The following AARS1 variants were observed in gnomAD, a reference collection of about 807,000 sequenced individuals.
The protein encoded by AARS1 is alanine--tRNA ligase, cytoplasmic.
A neutral mutation model predicts 108.9 loss-of-function variants in AARS1; 72 were observed. The ratio of observed to expected loss-of-function variants is 0.66; its 90% CI spans 0.55 to 0.80. AARS1 has a LOEUF of 0.80. Ranked by LOEUF, AARS1 falls within the 30% of genes least tolerant of loss-of-function variation. The pLI is 0.00. For synonymous variants in AARS1, 489 were observed against 465.7 expected (o/e 1.05, Z -0.64); for missense variants, 1,193 against 1,233.2 (o/e 0.97, Z 0.49).
chr16:70,264,893 A>G lies in AARS1; in HGVS notation c.1492+65T>C, dbSNP rs766679843. ...GCTGGAGAGCTAATCTTGAGAAACA[A>G]TCTTTCAAATACCCCCCAGATACGG... On this transcript the variant is annotated intron_variant, in intron 11 of 20. Transcript: ENST00000261772. 3.6e-4 allele frequency: 575 copies of G among 1,604,380 alleles called. 2 individuals carry two copies. Among genetic ancestry groups the G allele is most frequent in the Non-Finnish European group, 4.6e-4 (544 of 1,172,264 alleles).
At chr16:70,269,832 T>A in intron 6 of AARS1, 69 bp from the exon 7 acceptor site, 1 of 1,596,630 alleles carries the variant, frequency 6.3e-7, no homozygotes. Context: ...CCCAAGGAGG[T>A]TCCTGGAGGA....
chr16:70,258,969 G>C lies in AARS1; in HGVS notation c.1992+11C>G. On this transcript the variant is annotated intron_variant, in intron 14 of 20. Coordinates refer to ENST00000261772, the MANE Select transcript of AARS1 (RefSeq NM_001605.3). The stretch of plus-strand genomic sequence containing the variant: ...TGGGGAGGGGGGGCATTCAGCCGTC[G>C]CCCATCCTACCTTGGCTGCCTCAAT... The C allele has an allele frequency of 6.2e-7, 1 of 1,613,682 alleles. No homozygotes were observed. The highest frequency in any genetic ancestry group is 8.5e-7 in the Non-Finnish European group (1 of 1,179,718).
At chr16:70,281,558 T>C (rs1477426081) in intron 2 of AARS1, among the ~76,000 whole-genome samples, 2 of 152,120 alleles carry the variant, frequency 1.3e-5, no homozygotes, top group Non-Finnish European at 2.9e-5. Flanking sequence ...TCCAGCTACT[T>C]CGGAGGCCAA....
chr16:70,261,121 C>A lies in AARS1; in HGVS notation c.1708G>T (p.Gly570Ter). 6.2e-7 allele frequency: 1 copy of A among 1,613,856 alleles called. No homozygotes were observed. Among genetic ancestry groups the A allele is most frequent in the South Asian group, 1.1e-5 (1 of 91,074 alleles). ...GTTCCAATGTGTAGCACATACCCTC[C>A]TCGGACCTGAGCATTCTTCACTGTA... ...EFTVKNAQVR[G>*]GYVLHIGTIY... Residue 570 changes from glycine to a stop codon, truncating the protein, a stop_gained, in exon 13 of 21, where the codon GGA becomes TGA. Coordinates refer to ENST00000261772, the MANE Select transcript of AARS1 (RefSeq NM_001605.3). LOFTEE classifies it high-confidence loss of function.
chr16:70,272,267 G>C (rs1014958715), intron 4 of AARS1, among the ~76,000 whole-genome samples: 1 of 152,064 alleles, frequency 6.6e-6, no homozygotes, highest in Non-Finnish European at 1.5e-5. Context: ...CATTTTGGGA[G>C]GCCGAGGCGG....
At chr16:70,274,028 A>C (rs1418041204) in intron 4 of AARS1, among the ~76,000 whole-genome samples, 1 of 151,618 alleles carries the variant, frequency 6.6e-6, no homozygotes, top group Non-Finnish European at 1.5e-5. Context: ...GTCTCAAAAA[A>C]ACGAAACAAA....
intron 15 of AARS1, among the ~76,000 whole-genome samples, chr16:70,256,181 G>A (rs1959986751): frequency 6.6e-6 from 1 of 152,186 alleles, no homozygotes. Context: ...TGCTCACTAG[G>A]TGACAATTTT....
At chr16:70,287,993 G>A (rs984449953) in intron 1 of AARS1, among the ~76,000 whole-genome samples, 2 of 151,952 alleles carry the variant, frequency 1.3e-5, no homozygotes, top group African/African-American at 4.8e-5. Context: ...TCGACCTCCT[G>A]ACCTCAGGCG....
intron 1 of AARS1, among the ~76,000 whole-genome samples, chr16:70,285,798 TCTCGAACTCCTGGC>T (rs1960826070): frequency 6.6e-6 from 1 of 152,106 alleles, no homozygotes; most frequent in African/African-American, 2.4e-5. Flanking sequence ...CCCACGCTGG[TCTCGAACTCCTGGC>T]CTCAATCTCC....
chr16:70,276,264 T>C (rs1960547941), intron 4 of AARS1: 1 of 474,266 alleles, frequency 2.1e-6, no homozygotes. Context: ...CTAAAGATAA[T>C]TACTCTGTCG....
At position 70,253,627 on chromosome 16, in the gene AARS1, C is replaced by T. The variant is rs750193673; in HGVS notation, c.2607+87G>A. ...TCCCAGACCGTGGGCCCTTAGGCAACCACTTCGCTCAGAGCCACAGAGGCC... is the reference window on the plus strand; with the variant it reads ...TCCCAGACCGTGGGCCCTTAGGCAATCACTTCGCTCAGAGCCACAGAGGCC... On this transcript the variant is annotated intron_variant, in intron 19 of 20. Coordinates refer to ENST00000261772, the MANE Select transcript of AARS1 (RefSeq NM_001605.3). 2.7e-6 allele frequency: 4 copies of T among 1,472,404 alleles called. No individual in the cohort carries two copies. The South Asian group carries it at 3.4e-5, about 13-fold the overall frequency. The allele number at this position is 1,472,404 out of a possible 1,614,324, so 91.2% of individuals were successfully genotyped here. A position where few individuals can be genotyped will look rare whatever the true frequency, so the allele number is the denominator to read the frequency against.
intron 13 of AARS1, among the ~76,000 whole-genome samples, chr16:70,260,797 G>T (rs552677034): frequency 2.6e-5 from 4 of 152,014 alleles, no homozygotes; most frequent in Non-Finnish European, 5.9e-5. Context: ...CGAGTAGCTG[G>T]GACTATAGGC....
Position 70,255,849 on chromosome 16 carries a change from A to C in AARS1, c.2178-13T>G. ...GTTCCGCAGGTGCCTGAATGGCAGA[A>C]CACAAAGTCCATAGTGAAAGAGGCC... On this transcript the variant is annotated splice_polypyrimidine_tract_variant and intron_variant, in intron 15 of 20. Coordinates refer to ENST00000261772, the MANE Select transcript of AARS1 (RefSeq NM_001605.3). 1 of 1,609,734 alleles carries C rather than the reference A, an allele frequency of 6.2e-7. No homozygotes were observed. The highest frequency in any genetic ancestry group is 1.1e-5 in the South Asian group (1 of 90,246).
At chr16:70,256,320 T>C in intron 15 of AARS1, among the ~76,000 whole-genome samples, 1 of 152,176 alleles carries the variant, frequency 6.6e-6, no homozygotes, top group Non-Finnish European at 1.5e-5. Flanking sequence ...GTTTGTTTGT[T>C]TTGAGACAGA....
intron 19 of AARS1, 21 bp downstream of exon 19, chr16:70,253,693 G>A: frequency 6.2e-7 from 1 of 1,612,022 alleles, no homozygotes; most frequent in South Asian, 1.1e-5. Flanking sequence ...CTAGGGGAGG[G>A]GACCCTGGCC....
chr16:70,282,733 G>C lies in AARS1; in HGVS notation c.31C>G (p.Arg11Gly). The C allele has an allele frequency of 6.2e-7, 1 of 1,613,996 alleles. No homozygotes were observed. Among genetic ancestry groups the C allele is most frequent in the East Asian group, 2.2e-5 (1 of 44,878 alleles). The change falls in exon 2 of 21, where the codon CGG (arginine) becomes GGG (glycine). Residue 11 changes from arginine (R) to glycine (G), a missense_variant. Arg to Gly is a moderately radical substitution (Grantham distance 125). Coordinates refer to ENST00000261772, the MANE Select transcript of AARS1 (RefSeq NM_001605.3). MDSTLTASEI[R>G]QRFIDFFKRN... ...TTGAAGAAATCTATAAATCGCTGCCGGATTTCACTTGCTGTTAGAGTAGAG... is the reference window on the plus strand; with the variant it reads ...TTGAAGAAATCTATAAATCGCTGCCCGATTTCACTTGCTGTTAGAGTAGAG...
chr16:70,272,201 T>C (rs1027543420), intron 4 of AARS1, among the ~76,000 whole-genome samples: 4 of 152,082 alleles, frequency 2.6e-5, no homozygotes, highest in African/African-American at 4.8e-5. Context: ...ATGCTAAGCC[T>C]GCACATTAAA....
chr16:70,270,138 A>C, intron 6 of AARS1, 58 bp downstream of exon 6: 1 of 1,601,118 alleles, frequency 6.2e-7, no homozygotes, highest in Non-Finnish European at 8.6e-7. Context: ...CAGCACTGTT[A>C]AGAGTACAGC....
intron 17 of AARS1, chr16:70,254,384 C>A: frequency 1.7e-6 from 1 of 592,194 alleles, no homozygotes; most frequent in Non-Finnish European, 3.0e-6. Context: ...CACCCCAGTG[C>A]CCATACATGC....
Sources: gnomAD v4.1 joint callset for allele counts (sites outside exome capture counted in the v4.1 genomes callset) on GRCh38, gnomAD v4.1.1 for gene constraint, MANE v1.5 for transcripts, NCBI Gene and HGNC (gene_info 2026-07-23, HGNC 2026-07-21) for gene names.